TSC1: variants seen among roughly 807,000 people sequenced by gnomAD.
TSC1 encodes hamartin.
TSC1 carries 20 observed loss-of-function variants against 124.3 expected under a neutral mutation model. The observed-to-expected ratio is 0.16, with a 90% CI of 0.11 to 0.23. The LOEUF (loss-of-function observed/expected upper bound fraction) is 0.23, where lower values mean the gene tolerates loss of function less well. TSC1 is among the 10% of genes least tolerant of loss of function. The pLI is 1.00. For missense variants in TSC1, 1,124 were observed against 1,448.5 expected (o/e 0.78, Z 3.64); for synonymous variants, 493 against 539.1 (o/e 0.91, Z 1.19).
chr9:132,942,838 G>A (rs908424037), intron 1 of TSC1, among the ~76,000 whole-genome samples: 2 of 152,222 alleles, frequency 1.3e-5, no homozygotes, highest in Non-Finnish European at 1.5e-5. Flanking sequence ...ACACCAGGTG[G>A]TTAGAGGAAG....
intron 8 of TSC1, among the ~76,000 whole-genome samples, chr9:132,917,492 G>A (rs1271729781): frequency 3.3e-5 from 5 of 151,972 alleles, no homozygotes; most frequent in Admixed American, 6.6e-5. Flanking sequence ...CACCATGCCC[G>A]ACTAATTTTT....
rs145684026 is a variant in TSC1, at chr9:132,906,219, G to A, written c.1439-80C>T. ...GACTAGGCAGTTTGGGTGGCATGCT[G>A]CCACATGCCAGTGTCACTCAGAGAG... On this transcript the variant is annotated intron_variant, in intron 14 of 22. Coordinates refer to ENST00000298552, the MANE Select transcript of TSC1 (RefSeq NM_000368.5). The surrounding 1 kb of genome is among the most constrained non-coding windows in gnomAD (Gnocchi z 4.1). The A allele has an allele frequency of 3.2e-3, 4,678 of 1,463,830 alleles. 15 individuals are homozygous for A. The highest frequency in any genetic ancestry group is 4.1e-3 in the Non-Finnish European group (4,384 of 1,066,230). The allele number at this position is 1,463,830 out of a possible 1,614,324, so 90.7% of individuals were successfully genotyped here.
Position 132,895,846 on chromosome 9 carries a change from T to C in TSC1, c.*389A>G. Reference sequence around the variant, plus strand: ...CTGGTCTAATTGAGAGCCAACCCAGTTATCTGAACTTCGGGAAAGCAGAAA... The same window carrying C: ...CTGGTCTAATTGAGAGCCAACCCAGCTATCTGAACTTCGGGAAAGCAGAAA... On this transcript the variant is annotated 3_prime_UTR_variant, in exon 23 of 23. Transcript: ENST00000298552. 1 of 332,524 alleles carries C rather than the reference T, an allele frequency of 3.0e-6. No homozygotes were observed. Among genetic ancestry groups the C allele is most frequent in the Non-Finnish European group, 5.6e-6 (1 of 177,816 alleles). 20.6% of individuals were successfully genotyped at this position (332,524 alleles called of 1,614,324 possible). A position where few individuals can be genotyped will look rare whatever the true frequency, so the allele number is the denominator to read the frequency against.
chr9:132,913,323 T>G lies in TSC1; in HGVS notation c.738-866A>C, dbSNP rs1846066272. 2.0e-5 allele frequency among the ~76,000 whole-genome samples: 3 copies of G among 152,184 alleles called. No individual in the cohort carries two copies. The South Asian group carries it at 6.2e-4, about 31-fold the overall frequency. On this transcript the variant is annotated intron_variant, in intron 8 of 22. Coordinates refer to ENST00000298552, the MANE Select transcript of TSC1 (RefSeq NM_000368.5). ...CAATCTTGCTAAGTTTTGACAAAAG[T>G]CCCGATCATAATAAAGAACATGTCC...
In TSC1 at chr9:132,911,085, C is replaced by T. The variant is rs876660024; in HGVS notation, c.1058G>A (p.Cys353Tyr). 1.9e-6 allele frequency: 3 copies of T among 1,614,020 alleles called. No individual in the cohort carries two copies. The highest frequency in any genetic ancestry group is 1.7e-5 in the Admixed American group (1 of 60,012). The stretch of plus-strand genomic sequence containing the variant: ...AGAAGTTGGAGGAGTGGTCATACCA[C>T]AAACCATAGATGGGCTCCAAAGAGT... ...QATLWSPSMV[C>Y]GMTTPPTSPG... The change falls in exon 11 of 23, where the codon TGT becomes TAT. Residue 353 changes from cysteine (C) to tyrosine (Y), a missense_variant. By Grantham distance (194) the Cys-to-Tyr change is radical. Coordinates refer to ENST00000298552, the MANE Select transcript of TSC1 (RefSeq NM_000368.5).
At position 132,930,633 on chromosome 9, in the gene TSC1, G is replaced by T. The variant is rs563302723; in HGVS notation, c.-80-1681C>A. 2.7e-5 allele frequency among the ~76,000 whole-genome samples: 4 copies of T among 146,302 alleles called. No individual in the cohort carries two copies. The East Asian group carries it at 7.9e-4, about 29-fold the overall frequency. On this transcript the variant is annotated intron_variant, in intron 2 of 22. Coordinates refer to ENST00000298552, the MANE Select transcript of TSC1 (RefSeq NM_000368.5). ...AAAAAGAGAGAGATAAGCTCCTTCTGCAAGAATGCCAAATTTAAATTAGCC... is the reference window on the plus strand; with the variant it reads ...AAAAAGAGAGAGATAAGCTCCTTCTTCAAGAATGCCAAATTTAAATTAGCC...
chr9:132,931,454 G>C (rs1478954360), intron 2 of TSC1: 1 of 152,140 alleles, frequency 6.6e-6, no homozygotes, highest in Non-Finnish European at 1.5e-5. Flanking sequence ...ACACGTTTTG[G>C]CAACAAGTTT....
chr9:132,925,236 A>T, intron 5 of TSC1, among the ~76,000 whole-genome samples: 1 of 152,220 alleles, frequency 6.6e-6, no homozygotes, highest in East Asian at 1.9e-4. Context: ...TTTTTCTATT[A>T]GCTAAAAGAT....
chr9:132,917,077 T>C (rs531684523), intron 8 of TSC1, among the ~76,000 whole-genome samples: 1 of 152,322 alleles, frequency 6.6e-6, no homozygotes, highest in Admixed American at 6.5e-5. Context: ...TCTCTCAATT[T>C]TGAAGGTATT....
At chr9:132,900,603 C>T (rs749925473) in intron 20 of TSC1, 112 bp downstream of exon 20, 1 of 1,572,906 alleles carries the variant, frequency 6.4e-7, no homozygotes, top group Non-Finnish European at 8.7e-7. Flanking sequence ...GACTGCCGCT[C>T]CGTCTTTTAG....
At chr9:132,901,897 A>G (rs976840995) in intron 18 of TSC1, 198 bp from the exon 19 acceptor site, 16 of 571,702 alleles carry the variant, frequency 2.8e-5, no homozygotes, top group Admixed American at 9.5e-5. Context: ...TTAACAAAAG[A>G]AAAAAAGAGA....
chr9:132,928,604 A>G (rs1847019916), intron 3 of TSC1, among the ~76,000 whole-genome samples, 163 bp downstream of exon 3: 1 of 152,216 alleles, frequency 6.6e-6, no homozygotes, highest in African/African-American at 2.4e-5. Flanking sequence ...ATACTTGAGT[A>G]TTTCCATAAT....
intron 1 of TSC1, chr9:132,942,447 G>A (rs937848582): frequency 3.9e-5 from 6 of 152,140 alleles, no homozygotes; most frequent in Non-Finnish European, 7.3e-5. Context: ...TACATATAGA[G>A]GTATATATTA....
chr9:132,932,220 ATG>A (rs1272317408), intron 2 of TSC1, among the ~76,000 whole-genome samples: 1 of 152,230 alleles, frequency 6.6e-6, no homozygotes, highest in African/African-American at 2.4e-5. Context: ...TTCAGAGGGC[ATG>A]ACCTTCAAGG....
At chr9:132,937,706 G>T (rs951280991) in intron 1 of TSC1, among the ~76,000 whole-genome samples, 2 of 152,016 alleles carry the variant, frequency 1.3e-5, no homozygotes, top group Non-Finnish European at 2.9e-5. Context: ...TTGGTGGTTG[G>T]TTTTTTTGTT....
rs1060503226 is a variant in TSC1, at chr9:132,896,411, C to T, written c.3319G>A (p.Asp1107Asn). 4 of 1,614,252 alleles carry T rather than the reference C, an allele frequency of 2.5e-6. No individual in the cohort carries two copies. The South Asian group carries it at 4.4e-5, about 18-fold the overall frequency. ...TCAGAAAGGCTACTGGTCATGCCGT[C>T]CTCATCACACTGGCTCTCGCTCTTA... ...RNKSESQCDE[D>N]GMTSSLSESL... The change falls in exon 23 of 23, where the codon GAC becomes AAC. Residue 1107 changes from aspartate to asparagine, a missense_variant. Asp to Asn is a conservative substitution (Grantham distance 23, BLOSUM62 1). Around this residue, in one of 5 missense-constraint regions of TSC1, gnomAD observed 325 missense variants for 383.4 expected, o/e 0.85. Transcript: ENST00000298552. This position sits in a 1 kb window ranked among gnomAD's most constrained non-coding sequence, Gnocchi z 4.5.
chr9:132,912,572 C>T, intron 8 of TSC1, 115 bp from the exon 9 acceptor site: 1 of 1,172,226 alleles, frequency 8.5e-7, no homozygotes, highest in Non-Finnish European at 1.2e-6. Context: ...CAAGCGGGAC[C>T]ATGCCAGCCC....
chr9:132,928,386 A>G (rs1847006184), intron 3 of TSC1, among the ~76,000 whole-genome samples: 1 of 152,208 alleles, frequency 6.6e-6, no homozygotes, highest in East Asian at 1.9e-4. Flanking sequence ...CAACCTGGTA[A>G]GCAAAAAAGG....
chr9:132,926,386 A>G (rs964600486), intron 4 of TSC1: 1 of 158,318 alleles, frequency 6.3e-6, no homozygotes, highest in Non-Finnish European at 1.4e-5. Context: ...AAGGTCTTCA[A>G]ATCCTGGGGA....
Sources: allele counts gnomAD v4.1 joint callset (sites outside exome capture counted in the v4.1 genomes callset), GRCh38; gene constraint gnomAD v4.1.1; regional missense constraint gnomAD v4.1.1; non-coding constraint Gnocchi (gnomAD v3.1); transcripts MANE v1.5; gene names NCBI Gene and HGNC (gene_info 2026-07-23, HGNC 2026-07-21).